The following PCDHA9 variants were observed in gnomAD, a reference collection of about 807,000 sequenced individuals.
PCDHA9 encodes the protein protocadherin alpha 9.
Under a neutral mutation model 62.0 loss-of-function variants are expected in PCDHA9, and 62 were observed. That is an observed-to-expected ratio of 1.00 (90% CI 0.81 to 1.23). The LOEUF (loss-of-function observed/expected upper bound fraction) is 1.23. Ranked by LOEUF, PCDHA9 falls within the 50% of genes most tolerant of loss-of-function variation. PCDHA9 has a pLI of 0.00. For missense variants in PCDHA9, 1,205 were observed against 1,249.8 expected (o/e 0.96, Z 0.54); for synonymous variants, 557 against 567.6 (o/e 0.98, Z 0.27).
Position 140,849,467 on chromosome 5 carries a change from T to A in PCDHA9, c.972T>A (p.Asp324Glu). The A allele has an allele frequency of 1.3e-6, 2 of 1,589,378 alleles. No individual in the cohort carries two copies. The highest frequency in any genetic ancestry group is 2.2e-5 in the South Asian group (2 of 90,236). ...ACAAGATCCCAGTCGAGGCTGTCGATAAAGGCTTCCCACCCCTGGCTGGTC... is the reference window on the plus strand; with the variant it reads ...ACAAGATCCCAGTCGAGGCTGTCGAAAAAGGCTTCCCACCCCTGGCTGGTC... ...RAHKIPVEAV[D>E]KGFPPLAGHC... The change falls in exon 1 of 4, where the codon GAT becomes GAA. Residue 324 changes from aspartate to glutamate, a missense_variant. This residue lies in a region of PCDHA9 where 110 missense variants were observed against 227.2 expected (regional missense o/e 0.48). Coordinates refer to ENST00000532602, the MANE Select transcript of PCDHA9 (RefSeq NM_031857.2).
chr5:140,870,009 G>T, intron 1 of PCDHA9: 2 of 1,613,488 alleles, frequency 1.2e-6, no homozygotes, highest in Non-Finnish European at 1.7e-6. Flanking sequence ...GAGAAGTGAG[G>T]GTCAATGGAA....
At position 140,929,227 on chromosome 5, in the gene PCDHA9, G is replaced by C. The variant is rs141300036; in HGVS notation, c.2395-49722G>C. ...GTTGCGTGGGGAGTACAATGCTGCC[G>C]ACCTGCGAAATCTTGCCACTGGGGT... On this transcript the variant is annotated intron_variant, in intron 1 of 3. Transcript: ENST00000532602. 7.4e-6 allele frequency: 12 copies of C among 1,613,892 alleles called. No homozygotes were observed. In the African/African-American group the frequency reaches 1.5e-4, roughly 20 times the overall value.
intron 1 of PCDHA9, among the ~76,000 whole-genome samples, chr5:140,965,212 T>G (rs1360102713): frequency 6.6e-6 from 1 of 152,180 alleles, no homozygotes; most frequent in African/African-American, 2.4e-5. Context: ...CAAATTCCTG[T>G]GGAAGAAATG....
chr5:140,877,668 C>A (rs782433528), intron 1 of PCDHA9: 58 of 1,613,452 alleles, frequency 3.6e-5, no homozygotes, highest in Admixed American at 5.0e-5. Flanking sequence ...TGAGCCGGTG[C>A]GCGCCGGGCA....
chr5:140,858,302 A>T, intron 1 of PCDHA9: 1 of 1,597,158 alleles, frequency 6.3e-7, no homozygotes, highest in South Asian at 1.1e-5. Context: ...CTCGCAGCAG[A>T]GGCGGCAGAG....
intron 1 of PCDHA9, among the ~76,000 whole-genome samples, chr5:140,955,553 C>A (rs782183120): frequency 2.6e-5 from 4 of 152,088 alleles, no homozygotes; most frequent in Non-Finnish European, 5.9e-5. Flanking sequence ...TGAGGCCTCC[C>A]CAGCCATACT....
intron 1 of PCDHA9, among the ~76,000 whole-genome samples, chr5:140,886,682 G>A (rs181377286): frequency 6.6e-6 from 1 of 151,618 alleles, no homozygotes. Context: ...AAAAATTAGC[G>A]AGGCATGGTG....
chr5:141,004,697 T>A (rs2098177211), intron 3 of PCDHA9, among the ~76,000 whole-genome samples: 3 of 152,184 alleles, frequency 2.0e-5, no homozygotes, highest in Admixed American at 2.0e-4. Flanking sequence ...AAACCCAGTT[T>A]TAGGTGCCGA....
intron 1 of PCDHA9, chr5:140,870,676 G>A (rs561705674): frequency 1.9e-6 from 3 of 1,612,702 alleles, no homozygotes; most frequent in African/African-American, 1.3e-5. Flanking sequence ...GTTGGACCAC[G>A]AGGAGCTGGA....
chr5:140,869,589 T>A, intron 1 of PCDHA9: 1 of 1,614,120 alleles, frequency 6.2e-7, no homozygotes. Context: ...ATGCTGACAT[T>A]GAAGAGAATG....
chr5:140,857,694 C>G (rs1554150531), intron 1 of PCDHA9: 3 of 1,597,142 alleles, frequency 1.9e-6, no homozygotes, highest in South Asian at 1.1e-5. Context: ...AGCAACTTGA[C>G]GCTGCAGGTG....
In PCDHA9 at chr5:140,876,987, G is replaced by C. The variant is rs782251799; in HGVS notation, c.2394+26098G>C. 11 of 1,612,658 alleles carry C rather than the reference G, an allele frequency of 6.8e-6. No homozygotes were observed. The South Asian group carries it at 9.9e-5, about 14-fold the overall frequency. ...GGCGGGTGGGCGAGCACGCACTGTC[G>C]AGCTACGTGTCGGTGCACGCGGAGA... On this transcript the variant is annotated intron_variant, in intron 1 of 3. Coordinates refer to ENST00000532602, the MANE Select transcript of PCDHA9 (RefSeq NM_031857.2).
chr5:140,874,360 A>T (rs2054861600), intron 1 of PCDHA9, among the ~76,000 whole-genome samples: 2 of 152,234 alleles, frequency 1.3e-5, no homozygotes. Context: ...TGAATTAATG[A>T]ATAAACTCAT....
intron 1 of PCDHA9, chr5:140,928,142 C>T (rs2084978114): frequency 1.9e-6 from 3 of 1,614,170 alleles, no homozygotes; most frequent in East Asian, 2.2e-5. Flanking sequence ...CTGATCACGG[C>T]CTCAGATAGT....
chr5:140,967,087 G>A (rs782556858), intron 1 of PCDHA9: 5 of 1,613,256 alleles, frequency 3.1e-6, no homozygotes, highest in South Asian at 1.1e-5. Flanking sequence ...GCATTGATCG[G>A]GAGGCGCTGT....
intron 1 of PCDHA9, among the ~76,000 whole-genome samples, chr5:140,964,646 G>A (rs1554227128): frequency 6.6e-6 from 1 of 152,004 alleles, no homozygotes; most frequent in African/African-American, 2.4e-5. Context: ...TCAGAAACAA[G>A]TAATGGGTGA....
At chr5:140,931,460 G>GA (rs3836748) in intron 1 of PCDHA9, among the ~76,000 whole-genome samples, 48,962 of 151,596 alleles carry the variant, frequency 0.32, 8,170 homozygotes, top group East Asian at 0.53. Flanking sequence ...AAAAATATAG[G>GA]AATGACAGAG....
intron 1 of PCDHA9, among the ~76,000 whole-genome samples, chr5:140,933,676 A>AT (rs1400784175): frequency 6.6e-6 from 1 of 151,552 alleles, no homozygotes; most frequent in Non-Finnish European, 1.5e-5. Context: ...TCTCTCTCAC[A>AT]TTTTTTTTCC....
chr5:140,876,467 G>T, intron 1 of PCDHA9: 1 of 1,614,020 alleles, frequency 6.2e-7, no homozygotes, highest in Non-Finnish European at 8.5e-7. Flanking sequence ...TCCATGGCAG[G>T]TCACAGCATG....
Sources: allele counts gnomAD v4.1 joint callset (sites outside exome capture counted in the v4.1 genomes callset), GRCh38; gene constraint gnomAD v4.1.1; regional missense constraint gnomAD v4.1.1; transcripts MANE v1.5; gene names NCBI Gene and HGNC (gene_info 2026-07-23, HGNC 2026-07-21).